Variants in AVPI1 observed in about 807,000 individuals in gnomAD.
AVPI1 encodes arginine vasopressin-induced protein 1.
Under a neutral mutation model 11.9 loss-of-function variants are expected in AVPI1, and 9 were observed. The ratio of observed to expected loss-of-function variants is 0.76; its 90% CI spans 0.46 to 1.32. The LOEUF (loss-of-function observed/expected upper bound fraction) is 1.32, where lower values mean the gene tolerates loss of function less well. AVPI1 is among the 40% of genes most tolerant of loss of function. The probability of loss-of-function intolerance (pLI) is 0.00; values close to 1 mark genes in which losing one functional copy is unlikely to be tolerated. For synonymous variants in AVPI1, 68 were observed against 78.1 expected (o/e 0.87, Z 0.68); for missense variants, 207 against 195.8 (o/e 1.06, Z -0.34).
At chr10:97,680,454 A>G (rs1448676376) in intron 1 of AVPI1, among the ~76,000 whole-genome samples, 1 of 152,204 alleles carries the variant, frequency 6.6e-6, no homozygotes, top group Non-Finnish European at 1.5e-5. Context: ...TAGGATGAGA[A>G]CCCAGGCCTC....
chr10:97,677,897 G>C lies in AVPI1; in HGVS notation c.416C>G (p.Thr139Arg). 6.2e-7 allele frequency: 1 copy of C among 1,614,210 alleles called. No individual in the cohort carries two copies. The highest frequency in any genetic ancestry group is 8.5e-7 in the Non-Finnish European group (1 of 1,180,044). ...IRRNWRKSGP[T>R]SYLHQIRH ...GTGTCTGATCTGGTGGAGGTAGCTT[G>C]TGGGGCCTGACTTCCTCCAGTTCCG... Residue 139 changes from threonine (T) to arginine (R), a missense_variant, in exon 3 of 3, where the codon ACA (threonine) becomes AGA (arginine). Thr to Arg is a moderately conservative substitution (Grantham distance 71). Coordinates refer to ENST00000370626, the MANE Select transcript of AVPI1 (RefSeq NM_021732.3).
chr10:97,678,562 C>T (rs1359771522), intron 2 of AVPI1, among the ~76,000 whole-genome samples: 1 of 152,044 alleles, frequency 6.6e-6, no homozygotes, highest in African/African-American at 2.4e-5. Context: ...AGTGGCCCAC[C>T]AGGGAGACTG....
chr10:97,678,076 G>A (rs1420371787), intron 2 of AVPI1, 51 bp from the exon 3 acceptor site: 2 of 1,570,744 alleles, frequency 1.3e-6, no homozygotes, highest in Non-Finnish European at 8.7e-7. Context: ...AGAATGGAAT[G>A]GGGACTTCAA....
In AVPI1 at chr10:97,677,842, A is replaced by G; in HGVS notation, c.*27T>C. 1.9e-6 allele frequency: 3 copies of G among 1,611,946 alleles called. 1 individual carries two copies. On this transcript the variant is annotated 3_prime_UTR_variant, in exon 3 of 3. Coordinates refer to ENST00000370626, the MANE Select transcript of AVPI1 (RefSeq NM_021732.3). The stretch of plus-strand genomic sequence containing the variant: ...CAGGCCTTTTGGCAAGAGGGAAGAC[A>G]CTGCCATTCCTGGCTCTTTCCCTGG...
chr10:97,678,730 C>G (rs1323591995), intron 2 of AVPI1, among the ~76,000 whole-genome samples: 2 of 151,630 alleles, frequency 1.3e-5, no homozygotes, highest in Non-Finnish European at 2.9e-5. Context: ...TCAGGTCACT[C>G]AGGCTGGAGT....
Position 97,678,926 on chromosome 10 carries a change from TGTGTGTGTGTGTGTGTGTG to T in AVPI1, c.287+674_287+692del. ...GTGTGTGTGTGTGTGTGTGTGTGTG[TGTGTGTGTGTGTGTGTGTG>T]TGTGTGTGTGTGTGTGTGTGTGTGT... is the stretch of plus-strand genomic sequence containing the variant. On this transcript the variant is annotated intron_variant, in intron 2 of 2. Transcript: ENST00000370626. Among the ~76,000 whole-genome samples, 4 of 18,730 alleles carry T rather than the reference TGTGTGTGTGTGTGTGTGTG, an allele frequency of 2.1e-4. 1 individual carries two copies. The highest frequency in any genetic ancestry group is 1.8e-3 in the Admixed American group (3 of 1,652). The allele number at this position is 18,730 out of a possible 152,430, so 12.3% of individuals were successfully genotyped here.
chr10:97,681,160 A>C (rs900580474), intron 1 of AVPI1, among the ~76,000 whole-genome samples: 11 of 152,180 alleles, frequency 7.2e-5, no homozygotes, highest in African/African-American at 2.7e-4. Context: ...TTAACTGTCA[A>C]ATGGGGATAA....
intron 2 of AVPI1, among the ~76,000 whole-genome samples, chr10:97,678,626 A>G (rs1185238715): frequency 2.6e-5 from 4 of 152,042 alleles, no homozygotes; most frequent in Non-Finnish European, 1.5e-5. Context: ...TAATGCCTCG[A>G]CAGTACATTC....
intron 2 of AVPI1, among the ~76,000 whole-genome samples, chr10:97,679,059 ATGAGGTGAT>A (rs1214000198): frequency 7.0e-6 from 1 of 142,784 alleles, no homozygotes; most frequent in Non-Finnish European, 1.5e-5. Context: ...TAACGGCAGA[ATGAGGTGAT>A]GCTACTAGGA....
intron 2 of AVPI1, among the ~76,000 whole-genome samples, chr10:97,679,130 G>GT (rs2041688299): frequency 7.0e-6 from 1 of 143,390 alleles, no homozygotes; most frequent in Admixed American, 7.2e-5. Context: ...GACTCCAAAA[G>GT]TAACAGCAAT....
At chr10:97,683,863 G>T (rs1455386319) in intron 1 of AVPI1, among the ~76,000 whole-genome samples, 2 of 152,204 alleles carry the variant, frequency 1.3e-5, no homozygotes, top group African/African-American at 4.8e-5. Flanking sequence ...CCCCTCTGTG[G>T]GTCAGCTTCC....
chr10:97,678,898 T>TTTTCAGAGACAGGATCTCGCC (rs2041682439), intron 2 of AVPI1, among the ~76,000 whole-genome samples: 1 of 4,090 alleles, frequency 2.4e-4, no homozygotes, highest in Non-Finnish European at 7.0e-4. Flanking sequence ...TGTGTGTGTG[T>TTTTCAGAGACAGGATCTCGCC]GTGTGTGTGT....
In AVPI1 at chr10:97,677,680, G is replaced by A. The variant is rs1472029174; in HGVS notation, c.*189C>T. Reference sequence around the variant, plus strand: ...CACTGTCTCTCCTCATTTTGGTGAGGAATGGGTCCCACATAATGGAGAGCT... The same window carrying A: ...CACTGTCTCTCCTCATTTTGGTGAGAAATGGGTCCCACATAATGGAGAGCT... On this transcript the variant is annotated 3_prime_UTR_variant, in exon 3 of 3. Coordinates refer to ENST00000370626, the MANE Select transcript of AVPI1 (RefSeq NM_021732.3). The A allele has an allele frequency of 1.1e-5, 7 of 619,804 alleles. No homozygotes were observed. The highest frequency in any genetic ancestry group is 4.3e-5 in the South Asian group (2 of 46,502). The allele number at this position is 619,804 out of a possible 1,614,324, so 38.4% of individuals were successfully genotyped here. A position where few individuals can be genotyped will look rare whatever the true frequency, so the allele number is the denominator to read the frequency against.
chr10:97,677,791 C>G lies in AVPI1; in HGVS notation c.*78G>C. 6.4e-7 allele frequency: 1 copy of G among 1,569,064 alleles called. No individual in the cohort carries two copies. The highest frequency in any genetic ancestry group is 1.2e-5 in the South Asian group (1 of 84,282). ...TCATTTACCCCTTTGGGCTGCTTGCCTAAAGTCTCTCTTCCTTCACCTCCC... is the reference window on the plus strand; with the variant it reads ...TCATTTACCCCTTTGGGCTGCTTGCGTAAAGTCTCTCTTCCTTCACCTCCC... On this transcript the variant is annotated 3_prime_UTR_variant, in exon 3 of 3. Coordinates refer to ENST00000370626, the MANE Select transcript of AVPI1 (RefSeq NM_021732.3).
intron 1 of AVPI1, among the ~76,000 whole-genome samples, chr10:97,680,961 A>G (rs2041700502): frequency 6.6e-6 from 1 of 152,142 alleles, no homozygotes; most frequent in Non-Finnish European, 1.5e-5. Context: ...AGGAAGTGAA[A>G]ATTAAAGGAT....
chr10:97,683,471 T>C (rs1190055779), intron 1 of AVPI1, among the ~76,000 whole-genome samples: 2 of 152,236 alleles, frequency 1.3e-5, no homozygotes, highest in Non-Finnish European at 2.9e-5. Context: ...CCCACGCTTT[T>C]AAACCCCCGA....
intron 1 of AVPI1, among the ~76,000 whole-genome samples, chr10:97,686,327 T>C (rs919573035): frequency 1.3e-5 from 2 of 152,190 alleles, no homozygotes; most frequent in Non-Finnish European, 2.9e-5. Context: ...ATCACAGCCA[T>C]CAACAAATCT....
At chr10:97,681,739 G>T (rs1416843503) in intron 1 of AVPI1, among the ~76,000 whole-genome samples, 1 of 148,590 alleles carries the variant, frequency 6.7e-6, no homozygotes, top group Non-Finnish European at 1.5e-5. Context: ...TTAGCCGGGC[G>T]CGGTGGCGGG....
chr10:97,686,138 T>G (rs187859870), intron 1 of AVPI1, among the ~76,000 whole-genome samples: 14 of 152,304 alleles, frequency 9.2e-5, no homozygotes, highest in Admixed American at 9.2e-4. Context: ...ATAAGCTTTT[T>G]AAAATAAATG....
Sources: gnomAD v4.1 joint callset for allele counts (sites outside exome capture counted in the v4.1 genomes callset) on GRCh38, gnomAD v4.1.1 for gene constraint, MANE v1.5 for transcripts, NCBI Gene and HGNC (gene_info 2026-07-23, HGNC 2026-07-21) for gene names.